The following PACRG variants were observed in gnomAD, a reference collection of about 807,000 sequenced individuals.
The protein encoded by PACRG is parkin coregulated.
PACRG carries 29 observed loss-of-function variants against 29.7 expected under a neutral mutation model. That is an observed-to-expected ratio of 0.98 (90% CI 0.73 to 1.33). The LOEUF (loss-of-function observed/expected upper bound fraction) is 1.33. PACRG is among the 40% of genes most tolerant of loss of function. The probability of loss-of-function intolerance (pLI) is 0.00; values close to 1 mark genes in which losing one functional copy is unlikely to be tolerated. For synonymous variants in PACRG, 116 were observed against 118.7 expected, an observed-to-expected ratio of 0.98 and a Z score of 0.15; for missense variants, 279 against 316.2, an observed-to-expected ratio of 0.88 and a Z score of 0.89.
chr6:162,731,504 A>G (rs574510529), intron 1 of PACRG, among the ~76,000 whole-genome samples: 1 of 152,258 alleles, frequency 6.6e-6, no homozygotes, highest in African/African-American at 2.4e-5. Flanking sequence ...TAAAGTATAT[A>G]GGTAGAAATG....
At chr6:163,037,496 G>A (rs1472681019) in intron 2 of PACRG, among the ~76,000 whole-genome samples, 1 of 152,216 alleles carries the variant, frequency 6.6e-6, no homozygotes, top group African/African-American at 2.4e-5. Flanking sequence ...TTGCAGGTTT[G>A]TGGGTGCTGG....
chr6:162,957,888 C>T (rs1345536930), intron 2 of PACRG, among the ~76,000 whole-genome samples: 1 of 152,134 alleles, frequency 6.6e-6, no homozygotes, highest in Non-Finnish European at 1.5e-5. Context: ...GCTGGAGAGA[C>T]AGGCCAGGTA....
chr6:162,727,700 G>T (rs1197381958), upstream of PACRG: 3 of 1,564,928 alleles, frequency 1.9e-6, no homozygotes, highest in Admixed American at 1.9e-5. Flanking sequence ...TGCGGGCCAG[G>T]AACAGGCCCA....
chr6:162,784,979 A>G (rs1286831431), intron 1 of PACRG, among the ~76,000 whole-genome samples: 6 of 152,214 alleles, frequency 3.9e-5, no homozygotes, highest in Non-Finnish European at 7.3e-5. Flanking sequence ...AAATAGCATT[A>G]GTAACAAGTA....
At position 163,308,905 on chromosome 6, in the gene PACRG, C is replaced by G. The variant is rs950935341; in HGVS notation, c.614-5922C>G. On this transcript the variant is annotated intron_variant, in intron 4 of 4. Coordinates refer to ENST00000366888, the MANE Select transcript of PACRG (RefSeq NM_001080379.2). Reference sequence around the variant, plus strand: ...ACTGATGACGTCAAAGGTTACAGGTCTTAATAGGTGAAAATCCTTTTACTT... The same window carrying G: ...ACTGATGACGTCAAAGGTTACAGGTGTTAATAGGTGAAAATCCTTTTACTT... Among the ~76,000 whole-genome samples, 47 of 152,118 alleles carry G rather than the reference C, an allele frequency of 3.1e-4. 1 individual carries two copies. Among genetic ancestry groups the G allele is most frequent in the African/African-American group, 1.1e-3 (47 of 41,420 alleles).
intron 4 of PACRG, among the ~76,000 whole-genome samples, chr6:163,210,204 G>A (rs949780930): frequency 6.6e-6 from 1 of 152,184 alleles, no homozygotes; most frequent in Non-Finnish European, 1.5e-5. Flanking sequence ...ACAGAATAAT[G>A]TACTAACTTT....
intron 4 of PACRG, among the ~76,000 whole-genome samples, chr6:163,237,010 C>T (rs561639976): frequency 6.6e-6 from 1 of 152,278 alleles, no homozygotes; most frequent in African/African-American, 2.4e-5. Context: ...GTTCCGCCCC[C>T]ATGATCCAAT....
chr6:163,279,224 A>G (rs1218127647), intron 4 of PACRG, among the ~76,000 whole-genome samples: 1 of 152,184 alleles, frequency 6.6e-6, no homozygotes, highest in Non-Finnish European at 1.5e-5. Context: ...TACAAGTTCT[A>G]GAAGCTTTTT....
chr6:163,167,689 A>T (rs545958960), intron 4 of PACRG, among the ~76,000 whole-genome samples: 1 of 152,360 alleles, frequency 6.6e-6, no homozygotes, highest in Admixed American at 6.5e-5. Flanking sequence ...AAATGAAAAA[A>T]ATAGAAATTT....
chr6:163,246,998 C>G (rs1048794476), intron 4 of PACRG, among the ~76,000 whole-genome samples: 2 of 152,146 alleles, frequency 1.3e-5, no homozygotes, highest in African/African-American at 4.8e-5. Context: ...ATGCAGTGGG[C>G]CTTTTCAAAT....
At chr6:162,879,740 G>T (rs924050534) in intron 2 of PACRG, among the ~76,000 whole-genome samples, 7 of 152,316 alleles carry the variant, frequency 4.6e-5, no homozygotes, top group Admixed American at 2.0e-4. Context: ...CAGAGAGCAG[G>T]TTTCAGTCTT....
At chr6:163,237,593 G>A (rs2128166406) in intron 4 of PACRG, among the ~76,000 whole-genome samples, 1 of 152,250 alleles carries the variant, frequency 6.6e-6, no homozygotes, top group Admixed American at 6.5e-5. Context: ...TTAAGATAAA[G>A]TAAATTGGAG....
rs1384211046 is a variant in PACRG, at chr6:162,728,253, G to A, written c.18G>A (p.Glu6=). The A allele has an allele frequency of 6.2e-7, 1 of 1,613,708 alleles. No homozygotes were observed. Among genetic ancestry groups the A allele is most frequent in the Non-Finnish European group, 8.5e-7 (1 of 1,179,916 alleles). The part of the protein sequence containing the change: MVAEK[E]TLSLNKCPDK... Reference sequence around the variant, plus strand: ...CTAGGAAGATGGTGGCAGAAAAAGAGACCCTGAGCTTAAACAAATGCCCAG... The same window carrying A: ...CTAGGAAGATGGTGGCAGAAAAAGAAACCCTGAGCTTAAACAAATGCCCAG... The change falls in exon 1 of 5, where the codon GAG becomes GAA. Residue 6 remains glutamate (E), a synonymous_variant. Coordinates refer to ENST00000366888, the MANE Select transcript of PACRG (RefSeq NM_001080379.2).
chr6:162,874,211 G>A (rs945099432), intron 2 of PACRG, among the ~76,000 whole-genome samples: 2 of 150,550 alleles, frequency 1.3e-5, no homozygotes. Flanking sequence ...AAATAGTTGA[G>A]TTTTTTTGTA....
chr6:162,819,481 A>G (rs1490909707), intron 2 of PACRG, among the ~76,000 whole-genome samples: 3 of 152,236 alleles, frequency 2.0e-5, no homozygotes, highest in Non-Finnish European at 4.4e-5. Flanking sequence ...CAAAAAAACT[A>G]TAAAGTCAGC....
chr6:163,148,384 CATTG>C (rs1406985547), intron 4 of PACRG, among the ~76,000 whole-genome samples: 1 of 152,172 alleles, frequency 6.6e-6, no homozygotes, highest in Non-Finnish European at 1.5e-5. Context: ...TGCAAACTTT[CATTG>C]AAAGGCGTGA....
chr6:163,144,285 G>A (rs569983087), intron 4 of PACRG, among the ~76,000 whole-genome samples: 1 of 148,820 alleles, frequency 6.7e-6, no homozygotes, highest in Admixed American at 6.7e-5. Flanking sequence ...GACTGACCAT[G>A]CACTCACTCC....
At chr6:162,751,451 A>G (rs1781508095) in intron 1 of PACRG, among the ~76,000 whole-genome samples, 1 of 151,960 alleles carries the variant, frequency 6.6e-6, no homozygotes, top group African/African-American at 2.4e-5. Flanking sequence ...GTAATTAAAT[A>G]CCATTCATCT....
intron 4 of PACRG, among the ~76,000 whole-genome samples, chr6:163,098,118 T>C (rs1814765861): frequency 6.6e-6 from 1 of 152,054 alleles, no homozygotes; most frequent in South Asian, 2.1e-4. Context: ...TCTGATGAGA[T>C]TTTATGGTTT....
Sources: gnomAD v4.1 joint callset for allele counts (sites outside exome capture counted in the v4.1 genomes callset) on GRCh38, gnomAD v4.1.1 for gene constraint, MANE v1.5 for transcripts, NCBI Gene and HGNC (gene_info 2026-07-23, HGNC 2026-07-21) for gene names.